AGAP5: variants seen among roughly 807,000 people sequenced by gnomAD.
AGAP5 encodes arf-GAP with GTPase, ANK repeat and PH domain-containing protein 5.
A neutral mutation model predicts 27.7 loss-of-function variants in AGAP5; 8 were observed. That is an observed-to-expected ratio of 0.29 (90% confidence interval 0.17 to 0.52). The LOEUF (loss-of-function observed/expected upper bound fraction) is 0.52. Among genes scored for constraint, AGAP5 ranks in the 20% least tolerant of loss-of-function variants. The pLI, the probability that AGAP5 is intolerant of heterozygous loss-of-function variation, is 0.97. For synonymous variants in AGAP5, 111 were observed against 338.0 expected, an observed-to-expected ratio of 0.33 and a Z score of 7.37; for missense variants, 285 against 880.8, an observed-to-expected ratio of 0.32 and a Z score of 8.56.
At chr10:73,695,863 A>G (rs1300404770) in intron 2 of AGAP5, among the ~76,000 whole-genome samples, 1 of 152,162 alleles carries the variant, frequency 6.6e-6, no homozygotes, top group African/African-American at 2.4e-5. Context: ...TTTTTATTCA[A>G]GAACCATATT....
intron 6 of AGAP5, among the ~76,000 whole-genome samples, chr10:73,678,039 G>A (rs1331298897): frequency 6.6e-6 from 1 of 151,384 alleles, no homozygotes; most frequent in South Asian, 2.1e-4. Flanking sequence ...TAAAGAATCC[G>A]TGATTTAACT....
chr10:73,680,537 C>A (rs967005971), intron 5 of AGAP5, among the ~76,000 whole-genome samples: 2 of 118,568 alleles, frequency 1.7e-5, no homozygotes, highest in African/African-American at 6.6e-5. Flanking sequence ...CACGCCTCAG[C>A]CTCCCAAGAA....
At chr10:73,694,713 C>A (rs771414241) in intron 3 of AGAP5, 23 bp downstream of exon 3, 11 of 1,596,298 alleles carry the variant, frequency 6.9e-6, no homozygotes, top group Non-Finnish European at 8.5e-6. Context: ...TTTCTCTTGG[C>A]GGAAAAAACA....
intron 6 of AGAP5, among the ~76,000 whole-genome samples, chr10:73,677,182 G>GT (rs2081986827): frequency 2.0e-5 from 3 of 152,038 alleles, no homozygotes; most frequent in Admixed American, 1.3e-4. Context: ...CTCTCATGAT[G>GT]TTTTTATGTA....
At chr10:73,686,593 G>A (rs1306229055) in intron 4 of AGAP5, among the ~76,000 whole-genome samples, 1 of 152,166 alleles carries the variant, frequency 6.6e-6, no homozygotes, top group Non-Finnish European at 1.5e-5. Flanking sequence ...GGAACAATCA[G>A]CAGAGTATAC....
intron 5 of AGAP5, among the ~76,000 whole-genome samples, chr10:73,680,592 T>TTG (rs1554962049): frequency 6.6e-4 from 15 of 22,868 alleles, no homozygotes; most frequent in African/African-American, 6.5e-4. Context: ...TAATTTTTTT[T>TTG]GGGGGGGGTG....
At chr10:73,688,996 C>T (rs956625157) in intron 4 of AGAP5, among the ~76,000 whole-genome samples, 8 of 152,012 alleles carry the variant, frequency 5.3e-5, no homozygotes, top group African/African-American at 1.9e-4. Flanking sequence ...CCGCCTCCGC[C>T]TCCGCCTCCG....
At chr10:73,697,389 G>A in intron 1 of AGAP5, 144 bp downstream of exon 1, 2 of 1,564,098 alleles carry the variant, frequency 1.3e-6, no homozygotes, top group African/African-American at 1.3e-5. Context: ...TCAAGGCAGA[G>A]CCAGCTTTTG....
At chr10:73,690,526 T>C (rs2082108460) in intron 4 of AGAP5, among the ~76,000 whole-genome samples, 1 of 151,450 alleles carries the variant, frequency 6.6e-6, no homozygotes, top group African/African-American at 2.4e-5. Context: ...TTCACTTGTT[T>C]ATCTGCTGAC....
At chr10:73,695,197 T>C (rs1213719871) in intron 2 of AGAP5, among the ~76,000 whole-genome samples, 2 of 152,210 alleles carry the variant, frequency 1.3e-5, no homozygotes, top group Non-Finnish European at 2.9e-5. Flanking sequence ...AGGCAAAATA[T>C]AAGATGTATT....
intron 4 of AGAP5, among the ~76,000 whole-genome samples, chr10:73,688,984 T>C (rs2082088037): frequency 6.6e-6 from 1 of 151,964 alleles, no homozygotes; most frequent in Non-Finnish European, 1.5e-5. Context: ...CCTCTGCCTC[T>C]GCCGCCTCCG....
At chr10:73,690,272 C>T (rs959383761) in intron 4 of AGAP5, among the ~76,000 whole-genome samples, 1 of 152,214 alleles carries the variant, frequency 6.6e-6, no homozygotes, top group African/African-American at 2.4e-5. Flanking sequence ...AAGAAAAGTT[C>T]TTCTGCCTTG....
In AGAP5 at chr10:73,675,370, C is replaced by T. The variant is rs1334938240; in HGVS notation, c.1290G>A (p.Glu430=). The T allele has an allele frequency of 6.2e-7, 1 of 1,614,110 alleles. No homozygotes were observed. Among genetic ancestry groups the T allele is most frequent in the African/African-American group, 1.3e-5 (1 of 75,032 alleles). The stretch of plus-strand genomic sequence containing the variant: ...GGATGGCTTGGACCCAGGCATCCCG[C>T]TCCTCATACGTCGTGGCTTCAAAGT... ...TWHFEATTYE[E]RDAWVQAIQS... Residue 430 remains glutamate (E), a synonymous_variant, in exon 8 of 8, where the codon GAG becomes GAA. Transcript: ENST00000374094.
At chr10:73,690,272 C>A (rs959383761) in intron 4 of AGAP5, among the ~76,000 whole-genome samples, 1 of 152,214 alleles carries the variant, frequency 6.6e-6, no homozygotes, top group Non-Finnish European at 1.5e-5. Context: ...AAGAAAAGTT[C>A]TTCTGCCTTG....
chr10:73,688,629 G>C (rs1178721207), intron 4 of AGAP5, among the ~76,000 whole-genome samples: 1 of 151,680 alleles, frequency 6.6e-6, no homozygotes, highest in South Asian at 2.1e-4. Context: ...AAAAATAGAA[G>C]GGGAAAAATT....
At chr10:73,689,320 G>A (rs1176183943) in intron 4 of AGAP5, among the ~76,000 whole-genome samples, 3 of 152,226 alleles carry the variant, frequency 2.0e-5, no homozygotes, top group Non-Finnish European at 4.4e-5. Context: ...GTGCAGTGGC[G>A]TGATCTCGGC....
chr10:73,689,859 G>A (rs909803607), intron 4 of AGAP5, among the ~76,000 whole-genome samples: 1 of 151,114 alleles, frequency 6.6e-6, no homozygotes, highest in East Asian at 2.0e-4. Flanking sequence ...AGGGAGGTGG[G>A]GGGGGTCAGC....
At chr10:73,688,311 AAAT>A (rs1053271327) in intron 4 of AGAP5, among the ~76,000 whole-genome samples, 2 of 152,234 alleles carry the variant, frequency 1.3e-5, no homozygotes, top group Non-Finnish European at 1.5e-5. Flanking sequence ...AAAGATCCCC[AAAT>A]AATACACTGA....
At chr10:73,689,121 C>G (rs1201421707) in intron 4 of AGAP5, among the ~76,000 whole-genome samples, 1 of 151,160 alleles carries the variant, frequency 6.6e-6, no homozygotes. Context: ...CGAGTGCCTG[C>G]GATTGCAGGC....
Sources: gnomAD v4.1 joint callset for allele counts (sites outside exome capture counted in the v4.1 genomes callset) on GRCh38, gnomAD v4.1.1 for gene constraint, MANE v1.5 for transcripts, NCBI Gene and HGNC (gene_info 2026-07-23, HGNC 2026-07-21) for gene names.